The following CHRNA5 variants were observed in gnomAD, a reference collection of about 807,000 sequenced individuals.
CHRNA5 encodes the protein neuronal acetylcholine receptor subunit alpha-5.
In CHRNA5, 28 loss-of-function variants were observed where a neutral mutation model predicts 41.2. The observed-to-expected ratio is 0.68, with a 90% CI of 0.50 to 0.93. The LOEUF (loss-of-function observed/expected upper bound fraction) is 0.93. Among genes scored for constraint, CHRNA5 ranks in the 40% least tolerant of loss-of-function variants. CHRNA5 has a pLI of 0.00. For synonymous variants in CHRNA5, 188 were observed against 205.8 expected (o/e 0.91, Z 0.74); for missense variants, 481 against 581.9 (o/e 0.83, Z 1.78).
intron 4 of CHRNA5, chr15:78,589,068 C>T (rs2052986730): frequency 6.6e-6 from 1 of 152,222 alleles, no homozygotes; most frequent in Admixed American, 6.5e-5. Context: ...AATCTTTTGA[C>T]ACTTTTTACC....
chr15:78,570,995 C>T (rs2052799355), intron 1 of CHRNA5, among the ~76,000 whole-genome samples: 2 of 152,294 alleles, frequency 1.3e-5, no homozygotes, highest in South Asian at 4.1e-4. Flanking sequence ...CCCTTGAGAA[C>T]CACTTCTCTA....
intron 1 of CHRNA5, among the ~76,000 whole-genome samples, chr15:78,576,145 T>G (rs1023751407): frequency 2.0e-5 from 3 of 151,950 alleles, no homozygotes; most frequent in Non-Finnish European, 2.9e-5. Flanking sequence ...TTGTTTGTTT[T>G]TTTTTTTGTT....
chr15:78,570,855 C>G lies in CHRNA5; in HGVS notation c.106+5030C>G, dbSNP rs117246027. Among the ~76,000 whole-genome samples the G allele has an allele frequency of 3.5e-3, 534 of 152,292 alleles. 4 individuals are homozygous for G. The highest frequency in any genetic ancestry group is 5.3e-3 in the Non-Finnish European group (360 of 68,032). ...ATTCTTTGTTGTCAGAGGGGGGCGT[C>G]CTGTGCCTTGTAGGATGTTTAGCAG... On this transcript the variant is annotated intron_variant, in intron 1 of 5. Transcript: ENST00000299565.
At chr15:78,575,252 C>T (rs899274989) in intron 1 of CHRNA5, among the ~76,000 whole-genome samples, 5 of 151,838 alleles carry the variant, frequency 3.3e-5, no homozygotes, top group African/African-American at 4.8e-5. Context: ...TTTGTAAAAC[C>T]AAAATGTAAA....
chr15:78,580,454 T>C (rs915906911), intron 1 of CHRNA5, among the ~76,000 whole-genome samples: 8 of 148,350 alleles, frequency 5.4e-5, no homozygotes, highest in African/African-American at 2.0e-4. Flanking sequence ...CTATTCTGTA[T>C]TGAGTACTGA....
At position 78,565,774 on chromosome 15, in the gene CHRNA5, CT is replaced by C; in HGVS notation, c.56del (p.Leu19ArgfsTer8). Reference sequence around the variant, plus strand: ...GCTCCGCCTGCTGCTCTTGGTCCAGCTGGTCGCGGGGCGCTGCGGTCTAGCG... The same window carrying C: ...GCTCCGCCTGCTGCTCTTGGTCCAGCGGTCGCGGGGCGCTGCGGTCTAGCG... On this transcript the variant is annotated frameshift_variant, in exon 1 of 6. Transcript: ENST00000299565. LOFTEE classifies it high-confidence loss of function. 8.2e-7 allele frequency: 1 copy of C among 1,219,038 alleles called. No homozygotes were observed. Among genetic ancestry groups the C allele is most frequent in the African/African-American group, 1.6e-5 (1 of 63,748 alleles). 75.5% of individuals were successfully genotyped at this position (1,219,038 alleles called of 1,614,324 possible).
intron 1 of CHRNA5, among the ~76,000 whole-genome samples, chr15:78,569,739 T>C (rs1460311189): frequency 6.6e-6 from 1 of 151,974 alleles, no homozygotes; most frequent in Admixed American, 6.6e-5. Flanking sequence ...GGCCTGGAAT[T>C]GTTTTTGAAA....
chr15:78,587,630 ACTCT>A (rs954345948), intron 3 of CHRNA5, among the ~76,000 whole-genome samples: 43 of 151,562 alleles, frequency 2.8e-4, no homozygotes, highest in Admixed American at 1.3e-4. Context: ...AAGGATTCTG[ACTCT>A]CTAAGGTGGA....
intron 3 of CHRNA5, 107 bp downstream of exon 3, chr15:78,586,796 A>C (rs1323918661): frequency 2.4e-6 from 2 of 827,894 alleles, no homozygotes; most frequent in African/African-American, 1.7e-5. Context: ...GTGAATACAA[A>C]TGAATACGTG....
At chr15:78,576,104 G>C (rs960774770) in intron 1 of CHRNA5, among the ~76,000 whole-genome samples, 1 of 152,010 alleles carries the variant, frequency 6.6e-6, no homozygotes. Flanking sequence ...TTGATGTAAG[G>C]GATCTTTTGA....
chr15:78,590,273 C>G (rs376254340), exon 5 of CHRNA5: 10 of 1,613,974 alleles, frequency 6.2e-6, no homozygotes, highest in Non-Finnish European at 8.5e-6. Context: ...CTTTGACTGT[C>G]TTCCTTCTGG....
exon 5 of CHRNA5, chr15:78,590,473 C>T: frequency 6.2e-7 from 1 of 1,614,174 alleles, no homozygotes; most frequent in Non-Finnish European, 8.5e-7. Flanking sequence ...CACACGCTTC[C>T]CAAACTGCTT....
At chr15:78,566,587 T>C (rs1244297773) in intron 1 of CHRNA5, among the ~76,000 whole-genome samples, 1 of 152,244 alleles carries the variant, frequency 6.6e-6, no homozygotes, top group African/African-American at 2.4e-5. Flanking sequence ...GTAGAAAAGC[T>C]AAGCATCCGT....
intron 2 of CHRNA5, among the ~76,000 whole-genome samples, chr15:78,582,718 G>C (rs2052924497): frequency 6.6e-6 from 1 of 152,144 alleles, no homozygotes; most frequent in African/African-American, 2.4e-5. Flanking sequence ...ACGTGGCAGA[G>C]AGGAAAAGTA....
At chr15:78,584,807 C>T (rs545894637) in intron 2 of CHRNA5, among the ~76,000 whole-genome samples, 5 of 152,232 alleles carry the variant, frequency 3.3e-5, no homozygotes, top group African/African-American at 9.6e-5. Context: ...TATTCAGATA[C>T]AGGGATCAGC....
At chr15:78,589,960 C>A in exon 5 of CHRNA5, 2 of 1,614,102 alleles carry the variant, frequency 1.2e-6, no homozygotes, top group South Asian at 1.1e-5. Context: ...AAATTTGGTT[C>A]TTGGACTTAT....
At chr15:78,589,916 G>A (rs200217616) in exon 5 of CHRNA5, 20 of 1,614,038 alleles carry the variant, frequency 1.2e-5, no homozygotes, top group Admixed American at 1.7e-5. Flanking sequence ...TAGATGTCAC[G>A]TTTTTCCCAT....
chr15:78,570,340 C>G (rs1203426921), intron 1 of CHRNA5, among the ~76,000 whole-genome samples: 3 of 150,946 alleles, frequency 2.0e-5, no homozygotes, highest in African/African-American at 4.9e-5. Context: ...CTCACTGACA[C>G]CTCTGGCTCC....
intron 1 of CHRNA5, among the ~76,000 whole-genome samples, chr15:78,575,662 C>T (rs2052849866): frequency 6.6e-6 from 1 of 151,466 alleles, no homozygotes; most frequent in Non-Finnish European, 1.5e-5. Context: ...ATTACTTTAG[C>T]AATCATTTAT....
Sources: gnomAD v4.1 joint callset for allele counts (sites outside exome capture counted in the v4.1 genomes callset) on GRCh38, gnomAD v4.1.1 for gene constraint, MANE v1.5 for transcripts, NCBI Gene and HGNC (gene_info 2026-07-23, HGNC 2026-07-21) for gene names.